Variants in ATR observed in about 807,000 individuals in gnomAD.
ATR encodes the protein serine/threonine-protein kinase ATR.
Under a neutral mutation model 305.3 loss-of-function variants are expected in ATR, and 142 were observed. The observed-to-expected ratio is 0.47, with a 90% confidence interval of 0.41 to 0.53. The LOEUF (loss-of-function observed/expected upper bound fraction) is 0.53, where lower values mean the gene tolerates loss of function less well. ATR is among the 20% of genes least tolerant of loss of function. The pLI is 0.00. For missense variants in ATR, 2,135 were observed against 3,133.1 expected (o/e 0.68, Z 7.60); for synonymous variants, 1,050 against 1,068.1 (o/e 0.98, Z 0.33).
At chr3:142,559,199 T>C in intron 7 of ATR, 52 bp downstream of exon 7, 1 of 1,572,100 alleles carries the variant, frequency 6.4e-7, no homozygotes, top group Non-Finnish European at 8.7e-7. Flanking sequence ...AGCATATTTC[T>C]ATACTGATTA....
intron 46 of ATR, 140 bp from the exon 47 acceptor site, chr3:142,449,742 A>T (rs1577483485): frequency 1.1e-6 from 1 of 903,022 alleles, no homozygotes; most frequent in East Asian, 2.6e-5. Context: ...ACAGGAAAAG[A>T]AGAAATTAAA....
chr3:142,543,994 G>C (rs1466937831), intron 16 of ATR, among the ~76,000 whole-genome samples: 4 of 152,056 alleles, frequency 2.6e-5, no homozygotes, highest in Non-Finnish European at 4.4e-5. Flanking sequence ...CTTAAGAGAA[G>C]GTCCTGGAGG....
intron 46 of ATR, chr3:142,451,394 CAG>C (rs1303540063): frequency 1.4e-6 from 2 of 1,445,906 alleles, no homozygotes; most frequent in East Asian, 6.2e-5. Context: ...GTATTGTAAA[CAG>C]AGATCTGAAG....
At chr3:142,482,680 T>TA (rs1450927386) in intron 36 of ATR, among the ~76,000 whole-genome samples, 1 of 151,876 alleles carries the variant, frequency 6.6e-6, no homozygotes, top group Non-Finnish European at 1.5e-5. Flanking sequence ...AAAAATTATT[T>TA]AAAAACATAG....
Position 142,496,323 on chromosome 3 carries a change from T to TATAC in ATR, c.5898+37_5898+38insGTAT, listed in dbSNP as rs2031631841. 9.7e-6 allele frequency: 3 copies of TATAC among 308,962 alleles called. No homozygotes were observed. In the African/African-American group the frequency reaches 1.0e-4, roughly 10 times the overall value. 19.1% of individuals were successfully genotyped at this position (308,962 alleles called of 1,614,324 possible). A position where few individuals can be genotyped will look rare whatever the true frequency, so the allele number is the denominator to read the frequency against. ...ATATATATATATATATATATATATA[T>TATAC]ATATATATATATATGATGACATTTC... On this transcript the variant is annotated intron_variant, in intron 34 of 46. Transcript: ENST00000350721.
chr3:142,563,012 T>C lies in ATR; in HGVS notation c.390A>G (p.Leu130=). The part of the protein sequence containing the change: ...HKKICEVICS[L]LFLFKSKSPA... ...GACTCTTGCTTTTAAAAAGAAATAATAATGAACAGATGACTTCACAGATTT... is the reference window on the plus strand; with the variant it reads ...GACTCTTGCTTTTAAAAAGAAATAACAATGAACAGATGACTTCACAGATTT... The change falls in exon 4 of 47, where the codon TTA becomes TTG. Residue 130 remains leucine (L), a synonymous_variant. Coordinates refer to ENST00000350721, the MANE Select transcript of ATR (RefSeq NM_001184.4). 1.2e-6 allele frequency: 2 copies of C among 1,600,266 alleles called. No individual in the cohort carries two copies. The highest frequency in any genetic ancestry group is 1.7e-6 in the Non-Finnish European group (2 of 1,175,988).
intron 21 of ATR, among the ~76,000 whole-genome samples, chr3:142,525,936 T>C (rs771543771): frequency 1.2e-4 from 19 of 152,172 alleles, no homozygotes; most frequent in Non-Finnish European, 2.1e-4. Context: ...TTTAATAAAT[T>C]ACCCAGCCTC....
chr3:142,569,630 T>C (rs1001631448), intron 1 of ATR, among the ~76,000 whole-genome samples: 2 of 151,780 alleles, frequency 1.3e-5, no homozygotes, highest in Non-Finnish European at 2.9e-5. Context: ...CTGTGTTTTT[T>C]TTTTGTGGGA....
At position 142,559,403 on chromosome 3, in the gene ATR, T is replaced by G. The variant is rs2034798809; in HGVS notation, c.1580A>C (p.Lys527Thr). The change falls in exon 7 of 47, where the codon AAA becomes ACA. Residue 527 changes from lysine to threonine, a missense_variant. By Grantham distance (78) the Lys-to-Thr change is moderately conservative. Transcript: ENST00000350721. ...CATCCAAGTTATCACTACAGAAGGT[T>G]TCTTCTTGGATTTATGTTGACAGTC... ...FKDCQHKSKK[K>T]PSVVITWMSL... 1.2e-6 allele frequency: 2 copies of G among 1,613,846 alleles called. No homozygotes were observed.
intron 27 of ATR, among the ~76,000 whole-genome samples, chr3:142,510,674 G>T (rs1559951116): frequency 6.6e-6 from 1 of 151,884 alleles, no homozygotes; most frequent in Non-Finnish European, 1.5e-5. Flanking sequence ...AATTATGGAA[G>T]TGAAGGCCTC....
chr3:142,480,001 A>C (rs1487587549), intron 36 of ATR, among the ~76,000 whole-genome samples: 3 of 152,008 alleles, frequency 2.0e-5, no homozygotes, highest in Non-Finnish European at 4.4e-5. Flanking sequence ...ATCTTTTTTC[A>C]AGGTTTTTAA....
Position 142,498,446 on chromosome 3 carries a change from G to A in ATR, c.5558+151C>T, listed in dbSNP as rs2031766662. The A allele has an allele frequency of 4.3e-6, 3 of 695,502 alleles. No individual in the cohort carries two copies. In the South Asian group the frequency reaches 5.6e-5, roughly 13 times the overall value. 43.1% of individuals were successfully genotyped at this position (695,502 alleles called of 1,614,324 possible). A position where few individuals can be genotyped will look rare whatever the true frequency, so the allele number is the denominator to read the frequency against. ...ATGTATGTTAGAATTTTAACTGTAG[G>A]GTGATTGTGAGGTAAAAAGAATGAA... is the stretch of plus-strand genomic sequence containing the variant. On this transcript the variant is annotated intron_variant, in intron 32 of 46. Transcript: ENST00000350721.
chr3:142,508,784 C>T (rs1219540509), intron 27 of ATR, among the ~76,000 whole-genome samples: 4 of 151,836 alleles, frequency 2.6e-5, no homozygotes, highest in African/African-American at 7.3e-5. Context: ...ATTAGCCGGG[C>T]GTGGTGACGG....
At chr3:142,559,885 G>T (rs2108481633) in intron 6 of ATR, among the ~76,000 whole-genome samples, 2 of 152,308 alleles carry the variant, frequency 1.3e-5, no homozygotes, top group East Asian at 1.9e-4. Flanking sequence ...GACAAAGCGA[G>T]ACCCTGTCTT....
intron 44 of ATR, 137 bp from the exon 45 acceptor site, chr3:142,457,892 G>T: frequency 1.0e-6 from 1 of 995,030 alleles, no homozygotes; most frequent in Non-Finnish European, 1.5e-6. Flanking sequence ...TACTTTAGAA[G>T]TTTGTAACAT....
chr3:142,568,818 G>C (rs2035165150), intron 1 of ATR, among the ~76,000 whole-genome samples: 1 of 152,246 alleles, frequency 6.6e-6, no homozygotes, highest in Non-Finnish European at 1.5e-5. Flanking sequence ...ACCAGGCCGC[G>C]TGTGCATGTG....
At chr3:142,500,255 A>G (rs1170906468) in intron 30 of ATR, among the ~76,000 whole-genome samples, 1 of 152,234 alleles carries the variant, frequency 6.6e-6, no homozygotes, top group Non-Finnish European at 1.5e-5. Flanking sequence ...AACAAAGTAT[A>G]TAAAACTAGC....
At position 142,559,327 on chromosome 3, in the gene ATR, T is replaced by C. The variant is rs143984042; in HGVS notation, c.1656A>G (p.Glu552=). The C allele has an allele frequency of 1.2e-6, 2 of 1,613,910 alleles. No homozygotes were observed. Among genetic ancestry groups the C allele is most frequent in the Non-Finnish European group, 1.7e-6 (2 of 1,179,946 alleles). ...CCTCCAGGTCCAGTTTCTGAACAGATTCTAACAAACTTCTACAGCTCTTAA... is the reference window on the plus strand; with the variant it reads ...CCTCCAGGTCCAGTTTCTGAACAGACTCTAACAAACTTCTACAGCTCTTAA... The part of the protein sequence containing the change: ...KVLKSCRSLL[E]SVQKLDLEAT... The change falls in exon 7 of 47, where the codon GAA becomes GAG. Residue 552 remains glutamate (E), a synonymous_variant. Coordinates refer to ENST00000350721, the MANE Select transcript of ATR (RefSeq NM_001184.4).
intron 45 of ATR, 124 bp from the exon 46 acceptor site, chr3:142,453,357 C>A: frequency 1.6e-6 from 2 of 1,224,496 alleles, no homozygotes; most frequent in Middle Eastern, 2.6e-4. Flanking sequence ...ATTACTACGT[C>A]TTCATTAAGT....
Sources: allele counts gnomAD v4.1 joint callset (sites outside exome capture counted in the v4.1 genomes callset), GRCh38; gene constraint gnomAD v4.1.1; transcripts MANE v1.5; gene names NCBI Gene and HGNC (gene_info 2026-07-23, HGNC 2026-07-21).